The following PPL variants were observed in gnomAD, a reference collection of about 807,000 sequenced individuals.
PPL encodes the protein periplakin.
PPL carries 198 observed loss-of-function variants against 194.4 expected under a neutral mutation model. The observed-to-expected ratio is 1.02, with a 90% confidence interval of 0.91 to 1.15. The LOEUF (loss-of-function observed/expected upper bound fraction) is 1.15. Ranked by LOEUF, PPL falls within the 50% of genes most tolerant of loss-of-function variation. The pLI is 0.00. For missense variants in PPL, 2,885 were observed against 2,294.8 expected (o/e 1.26, Z -5.25); for synonymous variants, 1,220 against 972.4 (o/e 1.25, Z -4.74).
intron 6 of PPL, 122 bp from the exon 7 acceptor site, chr16:4,899,506 C>CCTGAGGACAAGCCCAGCTATGGGTGGT (rs2088508828): frequency 7.4e-6 from 10 of 1,354,556 alleles, no homozygotes; most frequent in Admixed American, 5.3e-5. Flanking sequence ...CTATGGGTGG[C>CCTGAGGACAAGCCCAGCTATGGGTGGT]CTGAGGACAA....
rs142482165 is a variant in PPL at position 4,884,215 on chromosome 16, G to C, written c.4440C>G (p.Leu1480=). The C allele has an allele frequency of 5.0e-6, 8 of 1,613,728 alleles. No homozygotes were observed. Among genetic ancestry groups the C allele is most frequent in the Non-Finnish European group, 5.1e-6 (6 of 1,180,004 alleles). Residue 1480 remains leucine, a synonymous_variant, in exon 22 of 22, where the codon CTC becomes CTG. Coordinates refer to ENST00000345988, the MANE Select transcript of PPL (RefSeq NM_002705.5). This position sits in a 1 kb window ranked among gnomAD's most constrained non-coding sequence, Gnocchi z 5.7. ...CAGCCAGTTTCCTCCGGAGGGTCTCGAGCTCCCCCTCCAGGAGCTGCCGCC... is the reference window on the plus strand; with the variant it reads ...CAGCCAGTTTCCTCCGGAGGGTCTCCAGCTCCCCCTCCAGGAGCTGCCGCC... ...QHRRQLLEGE[L]ETLRRKLAAL...
Position 4,884,410 on chromosome 16 carries a change from C to G in PPL, c.4245G>C (p.Glu1415Asp). 6.2e-7 allele frequency: 1 copy of G among 1,607,166 alleles called. No homozygotes were observed. The highest frequency in any genetic ancestry group is 8.5e-7 in the Non-Finnish European group (1 of 1,178,720). ...ELERERQARREAEREVQRLQQ... is the reference protein window; with the variant it reads ...ELERERQARRDAEREVQRLQQ... The stretch of plus-strand genomic sequence containing the variant: ...GCAACCGCTGTACCTCGCGCTCGGC[C>G]TCCCTGCGGGCCTGCCGCTCGCGCT... Residue 1415 changes from glutamate (E) to aspartate (D), a missense_variant, in exon 22 of 22, where the codon GAG becomes GAC. By Grantham distance (45) the Glu-to-Asp change is conservative. Coordinates refer to ENST00000345988, the MANE Select transcript of PPL (RefSeq NM_002705.5). This position sits in a 1 kb window ranked among gnomAD's most constrained non-coding sequence, Gnocchi z 5.7.
chr16:4,909,489 C>T (rs1341518339), intron 2 of PPL, among the ~76,000 whole-genome samples: 1 of 148,880 alleles, frequency 6.7e-6, no homozygotes, highest in African/African-American at 2.5e-5. Flanking sequence ...CGCAGTGGCA[C>T]GATCTTGGCT....
chr16:4,890,599 CAG>C (rs2088300722), intron 17 of PPL, 127 bp downstream of exon 17: 2 of 1,199,828 alleles, frequency 1.7e-6, no homozygotes, highest in Non-Finnish European at 2.3e-6. Flanking sequence ...ACAGGGCCGT[CAG>C]AGAATCTGAC....
In PPL at chr16:4,902,304, G is replaced by A; in HGVS notation, c.438+102C>T. 1.3e-6 allele frequency: 2 copies of A among 1,526,680 alleles called. No individual in the cohort carries two copies. The highest frequency in any genetic ancestry group is 1.8e-6 in the Non-Finnish European group (2 of 1,132,402). 94.6% of individuals were successfully genotyped at this position (1,526,680 alleles called of 1,614,324 possible). ...CATCAGGACCACGACTGTCTCCCTGGTAAGACCCGGGATGCCCATTACATG... is the reference window on the plus strand; with the variant it reads ...CATCAGGACCACGACTGTCTCCCTGATAAGACCCGGGATGCCCATTACATG... On this transcript the variant is annotated intron_variant, in intron 4 of 21. Coordinates refer to ENST00000345988, the MANE Select transcript of PPL (RefSeq NM_002705.5). This position sits in a 1 kb window ranked among gnomAD's most constrained non-coding sequence, Gnocchi z 4.0.
At chr16:4,888,054 G>C in intron 20 of PPL, 48 bp downstream of exon 20, 1 of 1,379,400 alleles carries the variant, frequency 7.2e-7, no homozygotes. Context: ...GAGCAGGGCA[G>C]CTTGGCCTCC....
Position 4,899,093 on chromosome 16 carries a change from T to C in PPL, c.796A>G (p.Lys266Glu). Residue 266 changes from lysine (K) to glutamate (E), a missense_variant, in exon 8 of 22, where the codon AAA (lysine) becomes GAA (glutamate). Physicochemically the swap from Lys to Glu is moderately conservative, Grantham distance 56 (BLOSUM62 1). Coordinates refer to ENST00000345988, the MANE Select transcript of PPL (RefSeq NM_002705.5). ...ENFINRNLEAKEERINKLHSE... is the reference protein window; with the variant it reads ...ENFINRNLEAEEERINKLHSE... ...TGCAGTTTGTTGATTCTCTCCTCTT[T>C]GGCCTCCAGGTTCCGGTTGATGAAA... 1 of 1,613,952 alleles carries C rather than the reference T, an allele frequency of 6.2e-7. No homozygotes were observed. Among genetic ancestry groups the C allele is most frequent in the Non-Finnish European group, 8.5e-7 (1 of 1,179,968 alleles).
intron 18 of PPL, 73 bp downstream of exon 18, chr16:4,890,111 C>T: frequency 1.2e-6 from 2 of 1,608,900 alleles, no homozygotes; most frequent in Admixed American, 1.7e-5. Flanking sequence ...CTTGGCTCCC[C>T]AGAAAGGGGC....
intron 1 of PPL, among the ~76,000 whole-genome samples, chr16:4,932,459 G>T (rs1447039586): frequency 6.6e-6 from 1 of 151,754 alleles, no homozygotes; most frequent in Non-Finnish European, 1.5e-5. Context: ...TCCCAGGCTG[G>T]AGTGCAGTGG....
intron 1 of PPL, among the ~76,000 whole-genome samples, chr16:4,912,992 T>C (rs1017423445): frequency 6.6e-6 from 1 of 152,000 alleles, no homozygotes; most frequent in African/African-American, 2.4e-5. Context: ...TAGTCCCAGC[T>C]ACTCGGGAGG....
chr16:4,898,881 G>A lies in PPL; in HGVS notation c.876+132C>T. On this transcript the variant is annotated intron_variant, in intron 8 of 21. Coordinates refer to ENST00000345988, the MANE Select transcript of PPL (RefSeq NM_002705.5). Reference sequence around the variant, plus strand: ...AGGCAGAGTCAGACACAGCAAGAAAGAGACAGACAGACACAAGATGCAGCT... The same window carrying A: ...AGGCAGAGTCAGACACAGCAAGAAAAAGACAGACAGACACAAGATGCAGCT... The A allele has an allele frequency of 4.3e-6, 3 of 695,708 alleles. No homozygotes were observed. In the South Asian group the frequency reaches 5.1e-5, roughly 12 times the overall value. 43.1% of individuals were successfully genotyped at this position (695,708 alleles called of 1,614,324 possible).
rs2088380586 is a variant in PPL, at chr16:4,894,484, G to A, written c.1377C>T (p.Ala459=). 6.2e-7 allele frequency: 1 copy of A among 1,613,882 alleles called. No individual in the cohort carries two copies. The highest frequency in any genetic ancestry group is 8.5e-7 in the Non-Finnish European group (1 of 1,179,958). The change falls in exon 12 of 22, where the codon GCC becomes GCT. Residue 459 remains alanine (A), a synonymous_variant. Coordinates refer to ENST00000345988, the MANE Select transcript of PPL (RefSeq NM_002705.5). ...CCTTGTACCTGTCAGCCAGAGCCAGGGCCTCAGGGTCTGTGGGGGGGATCA... is the reference window on the plus strand; with the variant it reads ...CCTTGTACCTGTCAGCCAGAGCCAGAGCCTCAGGGTCTGTGGGGGGGATCA... ...CFVIPPTDPE[A]LALADSLGSQ...
In PPL at chr16:4,920,345, G is replaced by GAGAAAGAAAGAAAGAA. The variant is rs1049654889; in HGVS notation, c.63-9412_63-9397dup. On this transcript the variant is annotated intron_variant, in intron 1 of 21. Transcript: ENST00000345988. ...AAAGAAAGAAAGAAAGAGAGAGAGAGAGAAAGAAAGAAAGAAAGAAAGAAA... is the reference window on the plus strand; with the variant it reads ...AAAGAAAGAAAGAAAGAGAGAGAGAGAGAAAGAAAGAAAGAAAGAAAGAAAGAAAGAAAGAAAGAAA... Among the ~76,000 whole-genome samples the GAGAAAGAAAGAAAGAA allele has an allele frequency of 2.7e-3, 68 of 25,168 alleles. 1 individual carries two copies. Among genetic ancestry groups the GAGAAAGAAAGAAAGAA allele is most frequent in the East Asian group, 0.018 (12 of 656 alleles). The allele number at this position is 25,168 out of a possible 152,430, so 16.5% of individuals were successfully genotyped here. A position where few individuals can be genotyped will look rare whatever the true frequency, so the allele number is the denominator to read the frequency against.
rs1455123886 is a variant in PPL at position 4,884,603 on chromosome 16, A to G, written c.4052T>C (p.Val1351Ala). The G allele has an allele frequency of 1.9e-6, 3 of 1,613,900 alleles. No individual in the cohort carries two copies. In the African/African-American group the frequency reaches 4.0e-5, roughly 22 times the overall value. Residue 1351 changes from valine (V) to alanine (A), a missense_variant, in exon 22 of 22, where the codon GTG (valine) becomes GCG (alanine). Coordinates refer to ENST00000345988, the MANE Select transcript of PPL (RefSeq NM_002705.5). The surrounding 1 kb of genome is among the most constrained non-coding windows in gnomAD (Gnocchi z 5.7). ...EELSRVKERVVQQEVVRYEEE... is the reference protein window; with the variant it reads ...EELSRVKERVAQQEVVRYEEE... The stretch of plus-strand genomic sequence containing the variant: ...CTCATACCTGACCACCTCCTGCTGC[A>G]CCACCCTTTCCTTCACCCGCGAGAG...
intron 1 of PPL, among the ~76,000 whole-genome samples, chr16:4,929,549 G>C (rs531164009): frequency 1.3e-5 from 2 of 152,228 alleles, no homozygotes; most frequent in African/African-American, 4.8e-5. Context: ...CACCACCACG[G>C]TTTGGTTGAT....
chr16:4,913,997 C>A (rs1221119920), intron 1 of PPL, among the ~76,000 whole-genome samples: 1 of 152,182 alleles, frequency 6.6e-6, no homozygotes, highest in Admixed American at 6.5e-5. Context: ...GCTGGGGATG[C>A]CCAGGGGAAC....
At position 4,891,863 on chromosome 16, in the gene PPL, T is replaced by C. The variant is rs1169860659; in HGVS notation, c.1916A>G (p.Asp639Gly). The C allele has an allele frequency of 6.2e-7, 1 of 1,613,544 alleles. No individual in the cohort carries two copies. The highest frequency in any genetic ancestry group is 1.1e-5 in the South Asian group (1 of 91,084). The change falls in exon 16 of 22, where the codon GAC (aspartate) becomes GGC (glycine). Residue 639 changes from aspartate (D) to glycine (G), a missense_variant. Asp to Gly is a moderately conservative substitution (Grantham distance 94). Coordinates refer to ENST00000345988, the MANE Select transcript of PPL (RefSeq NM_002705.5). The stretch of plus-strand genomic sequence containing the variant: ...GACACGGCTGCTCTCAGGCACTGTG[T>C]CATCCTGATTCAGATGGTTCTCGTG... ...ATHENHLNQD[D>G]TVPESSRVLD... is the part of the protein sequence containing the mutation.
intron 1 of PPL, among the ~76,000 whole-genome samples, chr16:4,918,100 C>T (rs1258689429): frequency 6.6e-6 from 1 of 151,942 alleles, no homozygotes; most frequent in Non-Finnish European, 1.5e-5. Flanking sequence ...CAAGACCAGC[C>T]TGGCCAACAT....
intron 1 of PPL, among the ~76,000 whole-genome samples, chr16:4,919,649 C>T (rs930563665): frequency 1.3e-5 from 2 of 152,048 alleles, no homozygotes; most frequent in African/African-American, 4.8e-5. Flanking sequence ...CATGTATGGG[C>T]CCAGGCACAG....
Sources: allele counts gnomAD v4.1 joint callset (sites outside exome capture counted in the v4.1 genomes callset), GRCh38; gene constraint gnomAD v4.1.1; non-coding constraint Gnocchi (gnomAD v3.1); transcripts MANE v1.5; gene names NCBI Gene and HGNC (gene_info 2026-07-23, HGNC 2026-07-21).